SIPA1: variants seen among roughly 807,000 people sequenced by gnomAD.
SIPA1 encodes signal-induced proliferation-associated protein 1.
Under a neutral mutation model 88.1 loss-of-function variants are expected in SIPA1, and 51 were observed. That is an observed-to-expected ratio of 0.58 (90% CI 0.46 to 0.73). SIPA1 has a LOEUF of 0.73. SIPA1 is among the 30% of genes least tolerant of loss of function. The pLI, the probability that SIPA1 is intolerant of heterozygous loss-of-function variation, is 0.00. For synonymous variants in SIPA1, 681 were observed against 664.8 expected (o/e 1.02, Z -0.37); for missense variants, 1,348 against 1,467.6 (o/e 0.92, Z 1.33).
intron 8 of SIPA1, 124 bp downstream of exon 8, chr11:65,647,189 G>C: frequency 7.1e-7 from 1 of 1,410,712 alleles, no homozygotes; most frequent in East Asian, 2.6e-5. Flanking sequence ...GGCAGAGCCA[G>C]CCCCGGGGCT....
In SIPA1 at chr11:65,645,875, C is replaced by G; in HGVS notation, c.1181C>G (p.Ser394Cys). 1 of 1,610,370 alleles carries G rather than the reference C, an allele frequency of 6.2e-7. No individual in the cohort carries two copies. Among genetic ancestry groups the G allele is most frequent in the Non-Finnish European group, 8.5e-7 (1 of 1,178,142 alleles). The change falls in exon 6 of 16, where the codon TCC becomes TGC. Residue 394 changes from serine (S) to cysteine (C), a missense_variant. This residue lies in a region of SIPA1 where 641 missense variants were observed against 797.7 expected (regional missense o/e 0.80). Transcript: ENST00000534313. ...ACAGCGGATTCCACAGGCACGCACT[C>G]CCTCTACACCACATACCAGGACCAC... ...DTKTDSTGTHSLYTTYQDHEI... is the reference protein window; with the variant it reads ...DTKTDSTGTHCLYTTYQDHEI...
rs754271160 is a variant in SIPA1 at position 65,641,247 on chromosome 11, C to G, written c.326C>G (p.Pro109Arg). Reference protein sequence around the residue: ...PAEEPEPAFPPVLEPRWFAHY... With the variant: ...PAEEPEPAFPRVLEPRWFAHY... ...GAGGAACCAGAGCCTGCCTTCCCAC[C>G]AGTGCTTGAGCCTCGATGGTTTGCC... Residue 109 changes from proline to arginine, a missense_variant, in exon 2 of 16, where the codon CCA (proline) becomes CGA (arginine). Pro to Arg is a moderately radical substitution (Grantham distance 103). Around this residue, in one of 4 missense-constraint regions of SIPA1, gnomAD observed 641 missense variants for 797.7 expected, o/e 0.80. Transcript: ENST00000534313. The G allele has an allele frequency of 5.6e-6, 9 of 1,613,460 alleles. No individual in the cohort carries two copies. In the Admixed American group the frequency reaches 1.5e-4, roughly 27 times the overall value.
intron 1 of SIPA1, chr11:65,639,018 C>A (rs1344695450): frequency 1.3e-5 from 2 of 152,462 alleles, no homozygotes; most frequent in African/African-American, 4.8e-5. Context: ...AGGGGCTACA[C>A]CCGTCACACA....
At position 65,646,888 on chromosome 11, in the gene SIPA1, G is replaced by C; in HGVS notation, c.1854G>C (p.Leu618=). The C allele has an allele frequency of 6.0e-6, 9 of 1,512,128 alleles. No homozygotes were observed. Among genetic ancestry groups the C allele is most frequent in the Non-Finnish European group, 7.9e-6 (9 of 1,135,386 alleles). 93.7% of individuals were successfully genotyped at this position (1,512,128 alleles called of 1,614,324 possible). A position where few individuals can be genotyped will look rare whatever the true frequency, so the allele number is the denominator to read the frequency against. ...TGCTGGGCATCTCGGCCGAGGCTCT[G>C]GTGCTGGTGGCGCCGCGCGACGGCC... The part of the protein sequence containing the change: ...PCLLGISAEA[L]VLVAPRDGRV... Residue 618 remains leucine (L), a synonymous_variant, in exon 8 of 16, where the codon CTG becomes CTC. Transcript: ENST00000534313. The surrounding 1 kb of genome is among the most constrained non-coding windows in gnomAD (Gnocchi z 7.5).
At position 65,646,926 on chromosome 11, in the gene SIPA1, A is replaced by T; in HGVS notation, c.1892A>T (p.Asn631Ile). 6.5e-7 allele frequency: 1 copy of T among 1,535,506 alleles called. No homozygotes were observed. The highest frequency in any genetic ancestry group is 2.4e-5 in the East Asian group (1 of 40,860). ...VAPRDGRVVF[N>I]CACRDVLAWT... is the part of the protein sequence containing the mutation. ...CCGCGCGACGGCCGCGTAGTGTTCA[A>T]TTGCGCCTGTCGCGACGTGCTGGCC... The change falls in exon 8 of 16, where the codon AAT becomes ATT. Residue 631 changes from asparagine (N) to isoleucine (I), a missense_variant. By Grantham distance (149) the Asn-to-Ile change is moderately radical. Transcript: ENST00000534313. This position sits in a 1 kb window ranked among gnomAD's most constrained non-coding sequence, Gnocchi z 7.5.
Position 65,649,328 on chromosome 11 carries a change from G to A in SIPA1, c.2373G>A (p.Val791=), listed in dbSNP as rs1192720408. 6.4e-7 allele frequency: 1 copy of A among 1,559,646 alleles called. No individual in the cohort carries two copies. The highest frequency in any genetic ancestry group is 2.4e-5 in the East Asian group (1 of 41,682). The change falls in exon 10 of 16, where the codon GTG becomes GTA. Residue 791 remains valine (V), a synonymous_variant. Coordinates refer to ENST00000534313, the MANE Select transcript of SIPA1 (RefSeq NM_006747.4). Reference sequence around the variant, plus strand: ...GCCGGCGGGGGGCCCCAGATCCTGTGCAGGATGAGGTCCAGGGGGTGACCC... The same window carrying A: ...GCCGGCGGGGGGCCCCAGATCCTGTACAGGATGAGGTCCAGGGGGTGACCC... ...EPSRRGAPDP[V]QDEVQGVTLL... is the part of the protein sequence containing the mutation.
Position 65,641,182 on chromosome 11 carries a change from G to A in SIPA1, c.261G>A (p.Arg87=). 6.2e-7 allele frequency: 1 copy of A among 1,610,432 alleles called. No homozygotes were observed. Residue 87 remains arginine, a synonymous_variant, in exon 2 of 16, where the codon CGG becomes CGA. Transcript: ENST00000534313. ...GCCGACCTGCAGCCACTTCCACCCG[G>A]CTCTTCACTGACCCGCTGGCACTGC... ...EASRPAATST[R]LFTDPLALLG...
At chr11:65,647,138 C>A in intron 8 of SIPA1, 73 bp downstream of exon 8, 1 of 1,421,474 alleles carries the variant, frequency 7.0e-7, no homozygotes, top group Non-Finnish European at 9.2e-7. Flanking sequence ...TCCCTCCCGC[C>A]GCCTTTGTCC....
At position 65,642,127 on chromosome 11, in the gene SIPA1, G is replaced by A; in HGVS notation, c.680-123G>A. On this transcript the variant is annotated intron_variant, in intron 2 of 15. Coordinates refer to ENST00000534313, the MANE Select transcript of SIPA1 (RefSeq NM_006747.4). This position sits in a 1 kb window ranked among gnomAD's most constrained non-coding sequence, Gnocchi z 6.5. ...CGGGGCTACAGAGGGGCGGGACTTAGTCTAGGGTCAACATTTGGTGGTGAG... is the reference window on the plus strand; with the variant it reads ...CGGGGCTACAGAGGGGCGGGACTTAATCTAGGGTCAACATTTGGTGGTGAG... The A allele has an allele frequency of 7.4e-7, 1 of 1,358,648 alleles. No homozygotes were observed. The highest frequency in any genetic ancestry group is 1.0e-6 in the Non-Finnish European group (1 of 998,634). 84.2% of individuals were successfully genotyped at this position (1,358,648 alleles called of 1,614,324 possible).
Position 65,647,632 on chromosome 11 carries a change from C to A in SIPA1, c.2280C>A (p.Pro760=). 7.2e-7 allele frequency: 1 copy of A among 1,394,636 alleles called. No homozygotes were observed. Among genetic ancestry groups the A allele is most frequent in the Non-Finnish European group, 9.3e-7 (1 of 1,077,490 alleles). The allele number at this position is 1,394,636 out of a possible 1,614,324, so 86.4% of individuals were successfully genotyped here. The change falls in exon 9 of 16, where the codon CCC becomes CCA. Residue 760 remains proline (P), a synonymous_variant. Transcript: ENST00000534313. ...CCAAGGTCTGCGTCACCGTCCTGCC[C>A]CCCGACGAGAGCGGCCGGCCCCGCA... ...SAPKVCVTVL[P]PDESGRPRRS...
chr11:65,647,240 G>A, intron 8 of SIPA1, 144 bp from the exon 9 acceptor site: 1 of 1,379,036 alleles, frequency 7.3e-7, no homozygotes, highest in Non-Finnish European at 9.4e-7. Context: ...AGCGACTTCT[G>A]GTCTTCATCC....
rs1331446787 is a variant in SIPA1, at chr11:65,642,859, A to T, written c.984+220A>T. On this transcript the variant is annotated intron_variant, in intron 4 of 15. Transcript: ENST00000534313. This position sits in a 1 kb window ranked among gnomAD's most constrained non-coding sequence, Gnocchi z 6.5. ...GTATCCACATCATGTAGAAATGCAGATTCTGGGGCCCCACCCCAGACCATC... is the reference window on the plus strand; with the variant it reads ...GTATCCACATCATGTAGAAATGCAGTTTCTGGGGCCCCACCCCAGACCATC... 6.6e-6 allele frequency among the ~76,000 whole-genome samples: 1 copy of T among 152,172 alleles called. No homozygotes were observed. Among genetic ancestry groups the T allele is most frequent in the Non-Finnish European group, 1.5e-5 (1 of 68,018 alleles).
intron 2 of SIPA1, among the ~76,000 whole-genome samples, 194 bp downstream of exon 2, chr11:65,641,794 T>C (rs1856009185): frequency 6.6e-6 from 1 of 152,168 alleles, no homozygotes; most frequent in African/African-American, 2.4e-5. Flanking sequence ...CCCTGGCTCC[T>C]CACCCCCAGC....
Position 65,642,458 on chromosome 11 carries a change from C to T in SIPA1, c.808-5C>T, listed in dbSNP as rs143994095. On this transcript the variant is annotated splice_region_variant and splice_polypyrimidine_tract_variant and intron_variant, in intron 3 of 15. Coordinates refer to ENST00000534313, the MANE Select transcript of SIPA1 (RefSeq NM_006747.4). This position sits in a 1 kb window ranked among gnomAD's most constrained non-coding sequence, Gnocchi z 6.5. ...ATCCTGAGTGCCCTTACACCCCTTC[C>T]TCAGCTCCGGACACTCCGTGGCACC... The T allele has an allele frequency of 3.6e-3, 5,871 of 1,610,862 alleles. 15 individuals are homozygous for T. Among genetic ancestry groups the T allele is most frequent in the Middle Eastern group, 7.9e-3 (48 of 6,054 alleles).
rs1856210758 is a variant in SIPA1 at position 65,649,470 on chromosome 11, T to C, written c.2515T>C (p.Ser839Pro). The change falls in exon 10 of 16, where the codon TCA becomes CCA. Residue 839 changes from serine to proline, a missense_variant. Physicochemically the swap from Ser to Pro is moderately conservative, Grantham distance 74. Transcript: ENST00000534313. Reference protein sequence around the residue: ...TEFLHSQNSLSPRSSLSDEAP... With the variant: ...TEFLHSQNSLPPRSSLSDEAP... ...GTTCCTGCACAGCCAGAACTCGCTGTCACCACGCAGGTGCACACTCTTGGC... is the reference window on the plus strand; with the variant it reads ...GTTCCTGCACAGCCAGAACTCGCTGCCACCACGCAGGTGCACACTCTTGGC... 3.1e-6 allele frequency: 5 copies of C among 1,613,288 alleles called. No homozygotes were observed. The East Asian group carries it at 6.7e-5, about 22-fold the overall frequency.
Position 65,650,894 on chromosome 11 carries a change from T to C in SIPA1, c.*179T>C. On this transcript the variant is annotated 3_prime_UTR_variant, in exon 16 of 16. Coordinates refer to ENST00000534313, the MANE Select transcript of SIPA1 (RefSeq NM_006747.4). The stretch of plus-strand genomic sequence containing the variant: ...AATATTCTGTGGAGAAAAGAGGACT[T>C]CAGGGAGTAAAAAAGCCACTGATGT... 1 of 688,024 alleles carries C rather than the reference T, an allele frequency of 1.5e-6. No individual in the cohort carries two copies. The highest frequency in any genetic ancestry group is 1.8e-5 in the African/African-American group (1 of 55,622). 42.6% of individuals were successfully genotyped at this position (688,024 alleles called of 1,614,324 possible).
chr11:65,649,870 GTC>G lies in SIPA1; in HGVS notation c.2746+7_2746+8del, dbSNP rs767716046. 75 of 1,613,900 alleles carry G rather than the reference GTC, an allele frequency of 4.6e-5. No individual in the cohort carries two copies. The highest frequency in any genetic ancestry group is 6.2e-5 in the Non-Finnish European group (73 of 1,179,978). ...TGCGGAACTCCATCAGCAGGAGTGA[GTC>G]TGGACCCAGGAGAGCAGGGGAGGGG... On this transcript the variant is annotated splice_donor_region_variant and intron_variant, in intron 12 of 15. Transcript: ENST00000534313.
At chr11:65,641,637 G>C in intron 2 of SIPA1, 37 bp downstream of exon 2, 1 of 1,549,484 alleles carries the variant, frequency 6.5e-7, no homozygotes, top group East Asian at 2.3e-5. Context: ...GAGGAGGGGG[G>C]CTGAAGAAGA....
At chr11:65,647,210 G>A (rs1856142095) in intron 8 of SIPA1, 145 bp downstream of exon 8, 1 of 1,399,024 alleles carries the variant, frequency 7.1e-7, no homozygotes, top group Non-Finnish European at 9.3e-7. Flanking sequence ...TGGCAAGGCC[G>A]GAACTGGTGC....
Sources: allele counts gnomAD v4.1 joint callset (sites outside exome capture counted in the v4.1 genomes callset), GRCh38; gene constraint gnomAD v4.1.1; regional missense constraint gnomAD v4.1.1; non-coding constraint Gnocchi (gnomAD v3.1); transcripts MANE v1.5; gene names NCBI Gene and HGNC (gene_info 2026-07-23, HGNC 2026-07-21).